SLCO1C1: variants seen among roughly 807,000 people sequenced by gnomAD.
SLCO1C1 encodes solute carrier organic anion transporter family member 1C1, also known as OAT-RP-5.
SLCO1C1 carries 70 observed loss-of-function variants against 76.4 expected under a neutral mutation model. The ratio of observed to expected loss-of-function variants is 0.92; its 90% CI spans 0.76 to 1.12. SLCO1C1 has a LOEUF of 1.12. SLCO1C1 is among the 50% of genes most tolerant of loss of function. The probability of loss-of-function intolerance (pLI) is 0.00; values close to 1 mark genes in which losing one functional copy is unlikely to be tolerated. For missense variants in SLCO1C1, 912 were observed against 823.8 expected (o/e 1.11, Z -1.31); for synonymous variants, 306 against 286.1 (o/e 1.07, Z -0.70).
intron 14 of SLCO1C1, among the ~76,000 whole-genome samples, chr12:20,751,446 T>C (rs916305984): frequency 2.0e-5 from 3 of 152,004 alleles, no homozygotes; most frequent in African/African-American, 4.8e-5. Context: ...AGAAAGATTG[T>C]TTAAAAGACT....
chr12:20,717,611 C>T (rs922669677), intron 7 of SLCO1C1, among the ~76,000 whole-genome samples: 2 of 131,446 alleles, frequency 1.5e-5, no homozygotes, highest in African/African-American at 5.7e-5. Context: ...ACAGAAAGAC[C>T]AAGGATTTAA....
intron 9 of SLCO1C1, among the ~76,000 whole-genome samples, chr12:20,728,696 T>C (rs1349763007): frequency 6.6e-6 from 1 of 152,026 alleles, no homozygotes; most frequent in Non-Finnish European, 1.5e-5. Context: ...TTATAACTCA[T>C]AACTATTTCA....
chr12:20,749,719 G>T (rs1202357056), intron 13 of SLCO1C1, among the ~76,000 whole-genome samples: 3 of 152,196 alleles, frequency 2.0e-5, no homozygotes, highest in African/African-American at 4.8e-5. Flanking sequence ...TTTCTGGCAT[G>T]AATAAGGAGG....
chr12:20,699,947 G>A (rs921306690), intron 2 of SLCO1C1: 11 of 341,864 alleles, frequency 3.2e-5, no homozygotes, highest in Admixed American at 1.9e-4. Context: ...AGAAATAGTA[G>A]AAACTAGTAT....
chr12:20,722,420 A>C (rs1438948741), intron 8 of SLCO1C1, among the ~76,000 whole-genome samples: 1 of 152,216 alleles, frequency 6.6e-6, no homozygotes, highest in Non-Finnish European at 1.5e-5. Flanking sequence ...GATGTGTATC[A>C]ATGCATGTCT....
rs114052568 is a variant in SLCO1C1, at chr12:20,733,836, A to G, written c.1382+732A>G. Reference sequence around the variant, plus strand: ...CTTGGTTTCCAGAGTCTCTCTCAATACAAGGTTGAATCTTGTAGGAACTAT... The same window carrying G: ...CTTGGTTTCCAGAGTCTCTCTCAATGCAAGGTTGAATCTTGTAGGAACTAT... On this transcript the variant is annotated intron_variant, in intron 10 of 14. Coordinates refer to ENST00000266509, the MANE Select transcript of SLCO1C1 (RefSeq NM_017435.5). Among the ~76,000 whole-genome samples, 1,047 of 152,208 alleles carry G rather than the reference A, an allele frequency of 6.9e-3. 12 individuals carry two copies. The highest frequency in any genetic ancestry group is 0.024 in the African/African-American group (992 of 41,502).
Position 20,743,301 on chromosome 12 carries a change from T to A in SLCO1C1, c.1734-4T>A. The stretch of plus-strand genomic sequence containing the variant: ...TCTTGTAATGGTGCTTTTGTTGATT[T>A]TAGGTGCATTAAGCCACAGCTTAAG... On this transcript the variant is annotated splice_polypyrimidine_tract_variant and splice_region_variant and intron_variant, in intron 12 of 14. Coordinates refer to ENST00000266509, the MANE Select transcript of SLCO1C1 (RefSeq NM_017435.5). 1.9e-6 allele frequency: 3 copies of A among 1,612,006 alleles called. No individual in the cohort carries two copies. The highest frequency in any genetic ancestry group is 2.5e-6 in the Non-Finnish European group (3 of 1,178,836).
intron 13 of SLCO1C1, among the ~76,000 whole-genome samples, chr12:20,745,521 G>A (rs902194752): frequency 3.3e-5 from 5 of 151,930 alleles, no homozygotes; most frequent in African/African-American, 1.2e-4. Flanking sequence ...AGTGATACAA[G>A]TATAAAATAA....
chr12:20,735,522 T>G lies in SLCO1C1; in HGVS notation c.1383-1585T>G, dbSNP rs191088127. Among the ~76,000 whole-genome samples, 101 of 152,342 alleles carry G rather than the reference T, an allele frequency of 6.6e-4. 2 individuals are homozygous for G. The South Asian group carries it at 0.014, about 22-fold the overall frequency. On this transcript the variant is annotated intron_variant, in intron 10 of 14. Transcript: ENST00000266509. ...TGATTCTAGACTTTAAAAGGCAGTT[T>G]TATACTTTCAGATAATACAAACAGT...
intron 7 of SLCO1C1, among the ~76,000 whole-genome samples, chr12:20,718,266 T>A (rs1947482557): frequency 1.3e-5 from 2 of 152,182 alleles, no homozygotes; most frequent in South Asian, 4.1e-4. Flanking sequence ...CCCAGTATAA[T>A]GCAGTGGCAG....
At chr12:20,701,618 GGA>G (rs936214745) in intron 3 of SLCO1C1, among the ~76,000 whole-genome samples, 159 bp downstream of exon 3, 1 of 142,470 alleles carries the variant, frequency 7.0e-6, no homozygotes, top group Non-Finnish European at 1.5e-5. Flanking sequence ...TTATTCTACA[GGA>G]GAGGCAATTT....
intron 5 of SLCO1C1, among the ~76,000 whole-genome samples, chr12:20,714,252 G>A (rs1947263964): frequency 6.6e-6 from 1 of 152,178 alleles, no homozygotes; most frequent in Non-Finnish European, 1.5e-5. Context: ...AGGATTGTTA[G>A]GAAGATTCAA....
chr12:20,743,122 G>A (rs1415958912), intron 12 of SLCO1C1, among the ~76,000 whole-genome samples, 183 bp from the exon 13 acceptor site: 1 of 152,098 alleles, frequency 6.6e-6, no homozygotes, highest in Non-Finnish European at 1.5e-5. Context: ...TTGTAGCATT[G>A]CATGAAATGG....
rs553776679 is a variant in SLCO1C1 at position 20,734,406 on chromosome 12, T to C, written c.1382+1302T>C. On this transcript the variant is annotated intron_variant, in intron 10 of 14. Transcript: ENST00000266509. ...TTAGTTGTAACAATGAAATGGAAGATGATTCTGGAGAGAGCAGAAGCCCAG... is the reference window on the plus strand; with the variant it reads ...TTAGTTGTAACAATGAAATGGAAGACGATTCTGGAGAGAGCAGAAGCCCAG... 6.6e-5 allele frequency among the ~76,000 whole-genome samples: 10 copies of C among 152,290 alleles called. No individual in the cohort carries two copies. In the South Asian group the frequency reaches 1.4e-3, roughly 22 times the overall value.
At chr12:20,699,827 C>A in intron 2 of SLCO1C1, 122 bp downstream of exon 2, 1 of 1,173,520 alleles carries the variant, frequency 8.5e-7, no homozygotes, top group Non-Finnish European at 1.1e-6. Context: ...ATCTTAGATG[C>A]AATTTACTAA....
Position 20,750,658 on chromosome 12 carries a change from ATTTG to A in SLCO1C1, c.1799-13_1799-10del, listed in dbSNP as rs1381966437. 1.2e-6 allele frequency: 2 copies of A among 1,607,588 alleles called. No homozygotes were observed. The highest frequency in any genetic ancestry group is 2.7e-5 in the African/African-American group (2 of 74,756). On this transcript the variant is annotated splice_polypyrimidine_tract_variant and intron_variant, in intron 13 of 14. Transcript: ENST00000266509. The stretch of plus-strand genomic sequence containing the variant: ...TGTGCATATGTTTTTAACAGCAATT[ATTTG>A]TTTTTCTCACAGCAGGAATCCCAGC...
At chr12:20,740,037 C>A in intron 11 of SLCO1C1, 147 bp from the exon 12 acceptor site, 1 of 779,622 alleles carries the variant, frequency 1.3e-6, no homozygotes, top group Non-Finnish European at 2.0e-6. Context: ...TTTTGCTTTG[C>A]TCAATATACT....
At chr12:20,748,677 A>AT (rs1247149398) in intron 13 of SLCO1C1, among the ~76,000 whole-genome samples, 1 of 151,750 alleles carries the variant, frequency 6.6e-6, no homozygotes, top group Non-Finnish European at 1.5e-5. Context: ...CCTCATTCTT[A>AT]TTTTTTTGTT....
Position 20,752,668 on chromosome 12 carries a change from T to C in SLCO1C1, c.*140T>C. 1.7e-6 allele frequency: 1 copy of C among 593,002 alleles called. No individual in the cohort carries two copies. The highest frequency in any genetic ancestry group is 2.8e-6 in the Non-Finnish European group (1 of 357,144). The allele number at this position is 593,002 out of a possible 1,614,324, so 36.7% of individuals were successfully genotyped here. A position where few individuals can be genotyped will look rare whatever the true frequency, so the allele number is the denominator to read the frequency against. On this transcript the variant is annotated 3_prime_UTR_variant, in exon 15 of 15. Coordinates refer to ENST00000266509, the MANE Select transcript of SLCO1C1 (RefSeq NM_017435.5). ...CTTTGTTTTGGTCCTAGGCATTAGGTAATATAACTGATAATATACTGAAAC... is the reference window on the plus strand; with the variant it reads ...CTTTGTTTTGGTCCTAGGCATTAGGCAATATAACTGATAATATACTGAAAC...
Sources: allele counts gnomAD v4.1 joint callset (sites outside exome capture counted in the v4.1 genomes callset), GRCh38; gene constraint gnomAD v4.1.1; transcripts MANE v1.5; gene names NCBI Gene and HGNC (gene_info 2026-07-23, HGNC 2026-07-21).